Variants in TFCP2 observed in about 807,000 individuals in gnomAD.
TFCP2 encodes alpha-globin transcription factor CP2.
TFCP2 carries 33 observed loss-of-function variants against 73.4 expected under a neutral mutation model. That is an observed-to-expected ratio of 0.45 (90% CI 0.34 to 0.60). The LOEUF is 0.60. TFCP2 is among the 20% of genes least tolerant of loss of function. TFCP2 has a pLI of 0.01. For synonymous variants in TFCP2, 193 were observed against 211.6 expected, an observed-to-expected ratio of 0.91 and a Z score of 0.76; for missense variants, 352 against 604.0, an observed-to-expected ratio of 0.58 and a Z score of 4.37.
intron 1 of TFCP2, among the ~76,000 whole-genome samples, chr12:51,127,339 A>C (rs918884579): frequency 6.6e-6 from 1 of 152,204 alleles, no homozygotes; most frequent in Non-Finnish European, 1.5e-5. Flanking sequence ...CAAAAATGAA[A>C]TTCTGGCAAT....
At chr12:51,160,079 G>T (rs1941617227) in intron 1 of TFCP2, among the ~76,000 whole-genome samples, 1 of 151,698 alleles carries the variant, frequency 6.6e-6, no homozygotes, top group African/African-American at 2.4e-5. Context: ...TTGGTGGTGG[G>T]GAGACAGATT....
intron 4 of TFCP2, among the ~76,000 whole-genome samples, chr12:51,114,132 T>C (rs1940461451): frequency 6.6e-6 from 1 of 152,088 alleles, no homozygotes. Context: ...CAAAGGATAG[T>C]ATCAACACAG....
intron 3 of TFCP2, 137 bp from the exon 4 acceptor site, chr12:51,116,557 C>T: frequency 2.2e-6 from 1 of 449,100 alleles, no homozygotes; most frequent in Non-Finnish European, 4.0e-6. Context: ...CTGTTTCACT[C>T]TAAAACCCAT....
chr12:51,172,874 GCT>G lies in TFCP2; in HGVS notation c.-454_-453del, dbSNP rs910233020. Reference sequence around the variant, plus strand: ...GGAGGCCCCCTCCCTCCCAGGTCTCGCTCTCTCTTTCCCCTCCAGGCCTCGCT... The same window carrying G: ...GGAGGCCCCCTCCCTCCCAGGTCTCGCTCTCTTTCCCCTCCAGGCCTCGCT... On this transcript the variant is annotated 5_prime_UTR_variant, in exon 1 of 15. Coordinates refer to ENST00000257915, the MANE Select transcript of TFCP2 (RefSeq NM_005653.5). 5.9e-4 allele frequency: 101 copies of G among 170,228 alleles called. No homozygotes were observed. The highest frequency in any genetic ancestry group is 2.4e-3 in the African/African-American group (98 of 41,700). 10.5% of individuals were successfully genotyped at this position (170,228 alleles called of 1,614,324 possible).
At chr12:51,126,093 C>T (rs1286038274) in intron 1 of TFCP2, among the ~76,000 whole-genome samples, 4 of 151,764 alleles carry the variant, frequency 2.6e-5, no homozygotes, top group Non-Finnish European at 5.9e-5. Flanking sequence ...ATTAGCCGGG[C>T]GTGGTGTTGG....
intron 1 of TFCP2, among the ~76,000 whole-genome samples, chr12:51,167,247 A>G (rs181012534): frequency 5.5e-4 from 84 of 152,366 alleles, no homozygotes; most frequent in African/African-American, 1.9e-3. Context: ...TAAAATACAA[A>G]TTAATAGATT....
At chr12:51,123,299 G>GC (rs1037417903) in intron 1 of TFCP2, among the ~76,000 whole-genome samples, 4 of 152,118 alleles carry the variant, frequency 2.6e-5, no homozygotes, top group African/African-American at 9.7e-5. Context: ...TTGCTACACC[G>GC]CATTTCTTTT....
chr12:51,131,344 A>AC (rs1940941005), intron 1 of TFCP2, among the ~76,000 whole-genome samples: 1 of 151,702 alleles, frequency 6.6e-6, no homozygotes, highest in Non-Finnish European at 1.5e-5. Context: ...AAAAAAAAAA[A>AC]AAAACAAGGA....
intron 1 of TFCP2, among the ~76,000 whole-genome samples, chr12:51,138,621 T>A (rs904567387): frequency 2.6e-5 from 4 of 151,918 alleles, no homozygotes; most frequent in Admixed American, 6.6e-5. Context: ...TCAGACCACA[T>A]TTCTTTTTTC....
At chr12:51,108,947 T>C (rs1284702888) in intron 6 of TFCP2, among the ~76,000 whole-genome samples, 174 bp downstream of exon 6, 1 of 152,186 alleles carries the variant, frequency 6.6e-6, no homozygotes. Flanking sequence ...CCTACGACCA[T>C]GTAAATTTCT....
At chr12:51,127,721 C>T (rs1698029945) in intron 1 of TFCP2, among the ~76,000 whole-genome samples, 1 of 151,908 alleles carries the variant, frequency 6.6e-6, no homozygotes. Context: ...GATTAGTGAC[C>T]AAGATAAATA....
chr12:51,117,683 G>C lies in TFCP2; in HGVS notation c.339C>G (p.Gly113=). The C allele has an allele frequency of 6.2e-7, 1 of 1,611,410 alleles. No individual in the cohort carries two copies. Among genetic ancestry groups the C allele is most frequent in the Non-Finnish European group, 8.5e-7 (1 of 1,178,124 alleles). ...RKLGELPEIN[G]KLVKSIFRVV... ...TTATTCGTTTTACCTTCACCAATTT[G>C]CCATTAATTTCTGGAAGTTCTCCAA... is the stretch of plus-strand genomic sequence containing the variant. The change falls in exon 3 of 15, where the codon GGC becomes GGG. Residue 113 remains glycine (G), a synonymous_variant. Transcript: ENST00000257915.
intron 1 of TFCP2, among the ~76,000 whole-genome samples, chr12:51,171,272 T>G (rs1224301929): frequency 6.6e-6 from 1 of 152,220 alleles, no homozygotes; most frequent in Non-Finnish European, 1.5e-5. Context: ...CCATACAGGA[T>G]TCTTACACAT....
chr12:51,113,067 A>G (rs918629067), intron 4 of TFCP2, among the ~76,000 whole-genome samples: 1 of 152,140 alleles, frequency 6.6e-6, no homozygotes, highest in African/African-American at 2.4e-5. Flanking sequence ...AGTTAAGGCC[A>G]GGTAATATGT....
chr12:51,111,051 A>T, intron 4 of TFCP2, 68 bp from the exon 5 acceptor site: 4 of 1,055,008 alleles, frequency 3.8e-6, no homozygotes, highest in Non-Finnish European at 5.9e-6. Flanking sequence ...GAAAGCATTG[A>T]TTCTTATATT....
At chr12:51,145,423 G>A (rs536698079) in intron 1 of TFCP2, among the ~76,000 whole-genome samples, 9 of 145,328 alleles carry the variant, frequency 6.2e-5, no homozygotes, top group South Asian at 2.3e-4. Flanking sequence ...AAAATTAGCC[G>A]GGTGTGGTGG....
chr12:51,107,403 T>C, intron 6 of TFCP2, 57 bp from the exon 7 acceptor site: 1 of 1,465,620 alleles, frequency 6.8e-7, no homozygotes, highest in Admixed American at 2.0e-5. Context: ...ACCCAAAATA[T>C]TGCTTCCAAA....
intron 8 of TFCP2, 114 bp from the exon 9 acceptor site, chr12:51,104,317 T>C: frequency 1.2e-6 from 1 of 861,680 alleles, no homozygotes; most frequent in Non-Finnish European, 1.8e-6. Context: ...AAATCTGTGC[T>C]CTCTCATAAC....
chr12:51,108,703 G>GTTT (rs1467890269), intron 6 of TFCP2, among the ~76,000 whole-genome samples: 5 of 151,550 alleles, frequency 3.3e-5, no homozygotes. Flanking sequence ...GAGCCCAGGA[G>GTTT]GTTAAACTAT....
Sources: gnomAD v4.1 joint callset for allele counts (sites outside exome capture counted in the v4.1 genomes callset) on GRCh38, gnomAD v4.1.1 for gene constraint, MANE v1.5 for transcripts, NCBI Gene and HGNC (gene_info 2026-07-23, HGNC 2026-07-21) for gene names.